Variants in BRD10 observed in about 807,000 individuals in gnomAD.
The protein encoded by BRD10 is bromodomain containing 10.
At chr9:5,884,301 C>T in the BRD10 span, among the ~76,000 whole-genome samples, 2 of 152,178 alleles carry the variant, frequency 1.3e-5, no homozygotes, top group African/African-American at 4.8e-5. Context: ...TGCTTAAAAC[C>T]GTTCTGTGAC....
At chr9:5,971,052 C>CAAAAAAAAAA in the BRD10 span, among the ~76,000 whole-genome samples, 16 of 43,200 alleles carry the variant, frequency 3.7e-4, 3 homozygotes, top group Non-Finnish European at 6.1e-4. Context: ...AGCAACGTCT[C>CAAAAAAAAAA]AAAAAAAAAA....
At chr9:5,954,099 TC>T in the BRD10 span, 1 of 1,517,926 alleles carries the variant, frequency 6.6e-7, no homozygotes, top group East Asian at 2.4e-5. Context: ...TTTTTTCCTT[TC>T]AAGATTAAAA....
chr9:5,888,023 T>A, the BRD10 span, among the ~76,000 whole-genome samples: 3 of 152,256 alleles, frequency 2.0e-5, no homozygotes, highest in Non-Finnish European at 4.4e-5. Flanking sequence ...ACAGCCTTTG[T>A]CCATAGCTCA....
the BRD10 span, among the ~76,000 whole-genome samples, chr9:5,917,189 T>A: frequency 2.0e-5 from 3 of 152,140 alleles, no homozygotes; most frequent in Non-Finnish European, 2.9e-5. Context: ...GTAATTATAG[T>A]TTTGAAGAAG....
chr9:5,899,394 T>A, the BRD10 span: 1 of 152,148 alleles, frequency 6.6e-6, no homozygotes, highest in African/African-American at 2.4e-5. Flanking sequence ...TGTCTCCTGT[T>A]CCCCAATGTC....
chr9:5,918,809 G>A, the BRD10 span, among the ~76,000 whole-genome samples: 1 of 98,112 alleles, frequency 1.0e-5, no homozygotes, highest in Non-Finnish European at 2.3e-5. Flanking sequence ...TGGGCAACAG[G>A]TGAGTCAAAA....
the BRD10 span, chr9:5,909,454 C>G: frequency 6.6e-6 from 1 of 152,200 alleles, no homozygotes; most frequent in African/African-American, 2.4e-5. Flanking sequence ...GACGGGGTTT[C>G]TCCATGTTGG....
the BRD10 span, chr9:5,969,314 G>C: frequency 6.2e-7 from 1 of 1,613,664 alleles, no homozygotes; most frequent in East Asian, 2.2e-5. Flanking sequence ...ATGCCCAATA[G>C]CTGGAATTTC....
the BRD10 span, among the ~76,000 whole-genome samples, chr9:5,936,934 T>C: frequency 1.3e-5 from 2 of 152,106 alleles, no homozygotes; most frequent in Admixed American, 6.6e-5. Context: ...TGATACGTGA[T>C]TGAAAAAGGT....
the BRD10 span, among the ~76,000 whole-genome samples, chr9:5,996,670 T>C: frequency 1.4e-4 from 22 of 152,322 alleles, no homozygotes; most frequent in African/African-American, 5.1e-4. Flanking sequence ...GCTTAGAATA[T>C]ATTTATTCTG....
chr9:5,899,497 C>T, the BRD10 span, among the ~76,000 whole-genome samples: 1 of 152,074 alleles, frequency 6.6e-6, no homozygotes. Flanking sequence ...AGTGTGCTGA[C>T]ATCTAGTGGG....
At chr9:5,897,772 G>C in the BRD10 span, 4 of 862,250 alleles carry the variant, frequency 4.6e-6, no homozygotes, top group East Asian at 5.0e-5. Flanking sequence ...CTCTGATTCC[G>C]GCTTCTGATG....
the BRD10 span, among the ~76,000 whole-genome samples, chr9:5,974,529 A>G: frequency 6.6e-6 from 1 of 152,210 alleles, no homozygotes; most frequent in East Asian, 1.9e-4. Flanking sequence ...TATTGCCTTG[A>G]AAGAGTATCC....
At chr9:5,928,120 A>T in the BRD10 span, among the ~76,000 whole-genome samples, 1 of 152,194 alleles carries the variant, frequency 6.6e-6, no homozygotes, top group South Asian at 2.1e-4. Context: ...AGTTGTTTAG[A>T]CCAAAAATAG....
the BRD10 span, among the ~76,000 whole-genome samples, chr9:5,993,010 T>C: frequency 6.6e-6 from 1 of 152,094 alleles, no homozygotes. Flanking sequence ...GGTTATCTAA[T>C]CTGTTTAAAA....
At chr9:5,960,519 G>A in the BRD10 span, among the ~76,000 whole-genome samples, 3 of 149,760 alleles carry the variant, frequency 2.0e-5, no homozygotes, top group African/African-American at 7.4e-5. Context: ...CAGAGAATGC[G>A]CCAATGCACT....
chr9:5,929,139 C>T, the BRD10 span: 1 of 1,586,820 alleles, frequency 6.3e-7, no homozygotes, highest in Non-Finnish European at 8.6e-7. Flanking sequence ...TTACAGCTTG[C>T]CTCCGATGAT....
the BRD10 span, among the ~76,000 whole-genome samples, chr9:5,934,482 C>T: frequency 7.3e-5 from 11 of 151,520 alleles, no homozygotes; most frequent in African/African-American, 2.7e-4. Flanking sequence ...CCTCAGTCTC[C>T]CTAGTAGCTA....
the BRD10 span, among the ~76,000 whole-genome samples, chr9:5,983,511 G>A: frequency 6.6e-6 from 1 of 152,022 alleles, no homozygotes; most frequent in Non-Finnish European, 1.5e-5. Flanking sequence ...AGATGATTAA[G>A]TTAGAGATTA....
Sources: allele counts gnomAD v4.1 joint callset (sites outside exome capture counted in the v4.1 genomes callset), GRCh38; gene constraint gnomAD v4.1.1; transcripts MANE v1.5; gene names NCBI Gene and HGNC (gene_info 2026-07-23, HGNC 2026-07-21).